The following SPC25 variants were observed in gnomAD, a reference collection of about 807,000 sequenced individuals.
SPC25 encodes the protein SPC25 component of NDC80 kinetochore complex.
In SPC25, 22 loss-of-function variants were observed where a neutral mutation model predicts 29.6. That is an observed-to-expected ratio of 0.74 (90% confidence interval 0.53 to 1.06). The LOEUF (loss-of-function observed/expected upper bound fraction) is 1.06, where lower values mean the gene tolerates loss of function less well. Ranked by LOEUF, SPC25 falls within the 50% of genes least tolerant of loss-of-function variation. The pLI is 0.00. For missense variants in SPC25, 230 were observed against 255.8 expected, an observed-to-expected ratio of 0.90 and a Z score of 0.69; for synonymous variants, 91 against 90.4, an observed-to-expected ratio of 1.01 and a Z score of -0.04.
chr2:168,888,972 T>TATACACAC (rs572773262), intron 3 of SPC25, among the ~76,000 whole-genome samples: 2 of 103,284 alleles, frequency 1.9e-5, no homozygotes, highest in African/African-American at 8.8e-5. Context: ...TATATATATA[T>TATACACAC]ACACACACAC....
At chr2:168,874,415 G>A (rs1690050402) in intron 5 of SPC25, among the ~76,000 whole-genome samples, 1 of 152,146 alleles carries the variant, frequency 6.6e-6, no homozygotes, top group Non-Finnish European at 1.5e-5. Flanking sequence ...GACTCAAGTA[G>A]ATAACTGTAT....
intron 3 of SPC25, among the ~76,000 whole-genome samples, chr2:168,888,951 G>C (rs1178770897): frequency 3.1e-5 from 2 of 63,576 alleles, no homozygotes; most frequent in Non-Finnish European, 5.6e-5. Context: ...GTGTGTGTGT[G>C]TGTGTGTATA....
intron 6 of SPC25, 33 bp downstream of exon 6, chr2:168,873,552 C>A: frequency 6.8e-7 from 1 of 1,479,930 alleles, no homozygotes; most frequent in South Asian, 1.1e-5. Context: ...GAACGCCAAT[C>A]TTAAATACCA....
intron 4 of SPC25, among the ~76,000 whole-genome samples, chr2:168,864,531 C>T (rs1183437991): frequency 6.6e-6 from 1 of 152,148 alleles, no homozygotes; most frequent in African/African-American, 2.4e-5. Context: ...GTGATCCACC[C>T]ACCTTGGCCT....
Position 168,865,056 on chromosome 2 carries a change from C to T in SPC25, n.419+8529G>A, listed in dbSNP as rs749923661. The stretch of plus-strand genomic sequence containing the variant: ...TAAGAATAAAGTGCTCTTACCTTTA[C>T]ATGTTTTTCTTTTGAAATGGATGGA... On this transcript the variant is annotated intron_variant and non_coding_transcript_variant, in intron 4 of 4. Coordinates refer to the SPC25 transcript ENST00000479309. The T allele has an allele frequency of 1.2e-5, 17 of 1,443,494 alleles. No individual in the cohort carries two copies. In the African/African-American group the frequency reaches 2.3e-4, roughly 19 times the overall value. 89.4% of individuals were successfully genotyped at this position (1,443,494 alleles called of 1,614,324 possible). A position where few individuals can be genotyped will look rare whatever the true frequency, so the allele number is the denominator to read the frequency against.
rs1284996305 is a variant in SPC25 at position 168,873,737 on chromosome 2, T to G, written c.452-54A>C. The G allele has an allele frequency of 2.6e-6, 3 of 1,147,048 alleles. No homozygotes were observed. In the East Asian group the frequency reaches 7.1e-5, roughly 27 times the overall value. The allele number at this position is 1,147,048 out of a possible 1,614,324, so 71.1% of individuals were successfully genotyped here. A position where few individuals can be genotyped will look rare whatever the true frequency, so the allele number is the denominator to read the frequency against. On this transcript the variant is annotated intron_variant, in intron 5 of 6. Transcript: ENST00000282074. ...TCAAAGCTTTCAATGGAGATACCCT[T>G]TCTTACTCCATCTTTGATCAATATC...
At chr2:168,865,093 A>G in intron 4 of SPC25, 2 of 992,790 alleles carry the variant, frequency 2.0e-6, no homozygotes, top group East Asian at 2.5e-5. Context: ...TTCTACCTGC[A>G]TGTCACAGCA....
At chr2:168,864,966 C>A in intron 4 of SPC25, 1 of 1,613,940 alleles carries the variant, frequency 6.2e-7, no homozygotes, top group Non-Finnish European at 8.5e-7. Flanking sequence ...GCTACAAAGG[C>A]ATAAAACAAG....
chr2:168,878,015 A>G (rs1690117974), intron 3 of SPC25, among the ~76,000 whole-genome samples: 1 of 152,146 alleles, frequency 6.6e-6, no homozygotes, highest in Admixed American at 6.5e-5. Flanking sequence ...CAAACTCTAG[A>G]AGATGGTTTT....
At chr2:168,870,682 G>GCAAT (rs1689962565), downstream of SPC25, among the ~76,000 whole-genome samples, 1 of 151,406 alleles carries the variant, frequency 6.6e-6, no homozygotes, top group South Asian at 2.1e-4. Flanking sequence ...AGTTAGAATG[G>GCAAT]CAATCATTAA....
chr2:168,875,870 A>T (rs896830316), intron 5 of SPC25, among the ~76,000 whole-genome samples: 5 of 152,180 alleles, frequency 3.3e-5, no homozygotes, highest in African/African-American at 1.2e-4. Flanking sequence ...TGCCAAAAAT[A>T]CATTTATTAA....
chr2:168,871,333 A>G lies in SPC25; in HGVS notation c.*98T>C. 8.4e-7 allele frequency: 1 copy of G among 1,193,592 alleles called. No homozygotes were observed. 73.9% of individuals were successfully genotyped at this position (1,193,592 alleles called of 1,614,324 possible). A position where few individuals can be genotyped will look rare whatever the true frequency, so the allele number is the denominator to read the frequency against. On this transcript the variant is annotated 3_prime_UTR_variant, in exon 7 of 7. Coordinates refer to ENST00000282074, the MANE Select transcript of SPC25 (RefSeq NM_020675.4). ...ACAAACCTGCACATTGTGCACATGT[A>G]CCCTAAAACTTAAAGTATAATAATA... is the stretch of plus-strand genomic sequence containing the variant.
chr2:168,876,051 T>C, intron 5 of SPC25, 21 bp downstream of exon 5: 1 of 1,377,886 alleles, frequency 7.3e-7, no homozygotes, highest in Non-Finnish European at 9.7e-7. Flanking sequence ...TCCTATATTT[T>C]ATTTATATTA....
At chr2:168,888,580 G>A (rs1263966032) in intron 3 of SPC25, among the ~76,000 whole-genome samples, 1 of 151,826 alleles carries the variant, frequency 6.6e-6, no homozygotes, top group Non-Finnish European at 1.5e-5. Context: ...CTCAAAAAAT[G>A]ACACAAAAAA....
In SPC25 at chr2:168,872,784, C is replaced by A. The variant is rs77238396; in HGVS notation, c.550+801G>T. Among the ~76,000 whole-genome samples the A allele has an allele frequency of 9.8e-3, 1,490 of 151,976 alleles. 29 individuals carry two copies. The highest frequency in any genetic ancestry group is 0.034 in the African/African-American group (1,403 of 41,432). On this transcript the variant is annotated intron_variant, in intron 6 of 6. Transcript: ENST00000282074. ...GATATTTATCTAGAGAGAAAAAAACCCAAACATCTGTATAAGAAATCAGAT... is the reference window on the plus strand; with the variant it reads ...GATATTTATCTAGAGAGAAAAAAACACAAACATCTGTATAAGAAATCAGAT...
chr2:168,876,885 C>A (rs1449532788), intron 4 of SPC25, among the ~76,000 whole-genome samples: 1 of 152,054 alleles, frequency 6.6e-6, no homozygotes, highest in Non-Finnish European at 1.5e-5. Flanking sequence ...CATTACCTGG[C>A]AGAGAATGTA....
intron 4 of SPC25, chr2:168,864,786 C>T: frequency 1.2e-6 from 2 of 1,605,658 alleles, no homozygotes; most frequent in Non-Finnish European, 1.7e-6. Context: ...CGGGCTGAGG[C>T]ATGTGTTCAC....
intron 3 of SPC25, among the ~76,000 whole-genome samples, 156 bp downstream of exon 3, chr2:168,889,066 TATAC>T (rs796784317): frequency 1.6e-5 from 1 of 63,464 alleles, no homozygotes; most frequent in Admixed American, 2.0e-4. Flanking sequence ...TACATATATA[TATAC>T]ACATATATAT....
At position 168,862,381 on chromosome 2, in the gene SPC25, G is replaced by A. The variant is rs111886175; in HGVS notation, n.419+11204C>T. 3.0e-4 allele frequency among the ~76,000 whole-genome samples: 46 copies of A among 151,074 alleles called. 1 individual carries two copies. Among genetic ancestry groups the A allele is most frequent in the African/African-American group, 9.9e-4 (41 of 41,470 alleles). ...GCTTTGGCTAATGTCACAGGCTGTG[G>A]CAACACAAGATTTGAACTTGGAAAC... On this transcript the variant is annotated intron_variant and non_coding_transcript_variant, in intron 4 of 4. Coordinates refer to the SPC25 transcript ENST00000479309.
Sources: allele counts gnomAD v4.1 joint callset (sites outside exome capture counted in the v4.1 genomes callset), GRCh38; gene constraint gnomAD v4.1.1; transcripts MANE v1.5; gene names NCBI Gene and HGNC (gene_info 2026-07-23, HGNC 2026-07-21).